Variants in HAUS6 observed in about 807,000 individuals in gnomAD.
HAUS6 encodes the protein HAUS augmin like complex subunit 6.
A neutral mutation model predicts 106.8 loss-of-function variants in HAUS6; 80 were observed. The observed-to-expected ratio is 0.75, with a 90% CI of 0.63 to 0.90. The LOEUF is 0.90. Ranked by LOEUF, HAUS6 falls within the 40% of genes least tolerant of loss-of-function variation. The pLI is 0.00. For synonymous variants in HAUS6, 356 were observed against 379.1 expected, an observed-to-expected ratio of 0.94 and a Z score of 0.71; for missense variants, 1,155 against 1,118.1, an observed-to-expected ratio of 1.03 and a Z score of -0.47.
chr9:19,098,680 G>C (rs1322423517), intron 1 of HAUS6, among the ~76,000 whole-genome samples: 1 of 151,736 alleles, frequency 6.6e-6, no homozygotes, highest in East Asian at 1.9e-4. Context: ...AAACCTTTTG[G>C]GCAAATACCT....
chr9:19,070,320 G>A lies in HAUS6; in HGVS notation c.1295-20C>T. ...GTGCATCTAAAGAAATTTAAAAATT[G>A]GTTACTCTTTAATTATGTTTGTACA... On this transcript the variant is annotated intron_variant, in intron 11 of 16. Transcript: ENST00000380502. 1 of 1,297,290 alleles carries A rather than the reference G, an allele frequency of 7.7e-7. No individual in the cohort carries two copies. The highest frequency in any genetic ancestry group is 1.1e-6 in the Non-Finnish European group (1 of 896,054). The allele number at this position is 1,297,290 out of a possible 1,614,324, so 80.4% of individuals were successfully genotyped here.
At chr9:19,076,363 T>G (rs963930830) in intron 11 of HAUS6, among the ~76,000 whole-genome samples, 1 of 151,384 alleles carries the variant, frequency 6.6e-6, no homozygotes, top group Non-Finnish European at 1.5e-5. Flanking sequence ...CAAAAAAAAA[T>G]AAAAGAAAAA....
chr9:19,093,945 G>A (rs947367737), intron 3 of HAUS6, among the ~76,000 whole-genome samples: 2 of 152,126 alleles, frequency 1.3e-5, no homozygotes, highest in African/African-American at 4.8e-5. Flanking sequence ...ACATGTTTTG[G>A]TTTTTCTAAA....
chr9:19,060,302 T>C (rs1015407605), intron 14 of HAUS6, 79 bp from the exon 15 acceptor site: 1 of 1,154,520 alleles, frequency 8.7e-7, no homozygotes, highest in Non-Finnish European at 1.2e-6. Context: ...ATAAGGATAA[T>C]AAGCACTTCA....
chr9:19,096,747 G>A lies in HAUS6; in HGVS notation c.151C>T (p.Arg51Cys), dbSNP rs539387980. 7.1e-6 allele frequency: 11 copies of A among 1,548,970 alleles called. No homozygotes were observed. Among genetic ancestry groups the A allele is most frequent in the South Asian group, 4.8e-5 (4 of 83,406 alleles). The change falls in exon 2 of 17, where the codon CGT (arginine) becomes TGT (cysteine). Residue 51 changes from arginine to cysteine, a missense_variant. Arg to Cys is a radical substitution (Grantham distance 180). Around this residue, in one of 3 missense-constraint regions of HAUS6, gnomAD observed 761 missense variants for 690.0 expected, o/e 1.10. Coordinates refer to ENST00000380502, the MANE Select transcript of HAUS6 (RefSeq NM_017645.5). ...LGVNMFDKLN[R>C]DAFHIISYFL... ...TAAGAAATTATATGAAAGGCATCACGGTTCAGCTTGTCAAACATGTTCCTA... is the reference window on the plus strand; with the variant it reads ...TAAGAAATTATATGAAAGGCATCACAGTTCAGCTTGTCAAACATGTTCCTA...
At chr9:19,085,696 T>C (rs1055024848) in intron 7 of HAUS6, among the ~76,000 whole-genome samples, 1 of 152,090 alleles carries the variant, frequency 6.6e-6, no homozygotes, top group Non-Finnish European at 1.5e-5. Context: ...TCATTTTCAT[T>C]TGTCAGAATC....
chr9:19,084,524 A>G (rs1837241342), intron 7 of HAUS6, among the ~76,000 whole-genome samples: 1 of 152,180 alleles, frequency 6.6e-6, no homozygotes, highest in Admixed American at 6.5e-5. Flanking sequence ...GCATTAACAG[A>G]ATTTACAAAA....
At chr9:19,056,439 T>G (rs756237604) in intron 16 of HAUS6, 35 bp from the exon 17 acceptor site, 2 of 1,171,088 alleles carry the variant, frequency 1.7e-6, no homozygotes, top group Non-Finnish European at 2.6e-6. Flanking sequence ...TAAGCAAACA[T>G]TACAAAGAAA....
rs761132054 is a variant in HAUS6, at chr9:19,058,969, T to C, written c.1798A>G (p.Ile600Val). The C allele has an allele frequency of 3.1e-6, 5 of 1,601,350 alleles. No homozygotes were observed. Among genetic ancestry groups the C allele is most frequent in the Non-Finnish European group, 4.3e-6 (5 of 1,169,720 alleles). The change falls in exon 16 of 17, where the codon ATT becomes GTT. Residue 600 changes from isoleucine to valine, a missense_variant. By Grantham distance (29) the Ile-to-Val change is conservative. This residue lies in a region of HAUS6 where 14 missense variants were observed against 33.2 expected (regional missense o/e 0.42). Transcript: ENST00000380502. ...TTAGTTCTGTTTTCTTCCATTTCAA[T>C]AGCTTTTCTCCATGAGCTCCTAATT... ...TEIRSSWRKA[I>V]EMEENRTKEP...
Position 19,081,447 on chromosome 9 carries a change from A to AT in HAUS6, c.871-776dup, listed in dbSNP as rs200322669. 5.7e-4 allele frequency among the ~76,000 whole-genome samples: 85 copies of AT among 147,920 alleles called. No individual in the cohort carries two copies. In the East Asian group the frequency reaches 6.1e-3, roughly 11 times the overall value. ...TGCCAATTTTTTAATTTTAATTTTAATTTTTTTTTTTGAGGCAGAATCCCA... is the reference window on the plus strand; with the variant it reads ...TGCCAATTTTTTAATTTTAATTTTAATTTTTTTTTTTTGAGGCAGAATCCCA... On this transcript the variant is annotated intron_variant, in intron 8 of 16. Transcript: ENST00000380502.
intron 10 of HAUS6, among the ~76,000 whole-genome samples, chr9:19,077,142 C>A (rs916895264): frequency 1.3e-5 from 2 of 152,152 alleles, no homozygotes; most frequent in African/African-American, 4.8e-5. Flanking sequence ...CCACGCCCAG[C>A]CCTATAACTA....
intron 4 of HAUS6, 123 bp from the exon 5 acceptor site, chr9:19,089,682 A>C (rs955846167): frequency 9.4e-5 from 57 of 606,848 alleles, no homozygotes; most frequent in African/African-American, 9.1e-4. Context: ...AATCTGATTG[A>C]CTTTTAAAAA....
At chr9:19,061,211 C>T (rs2131099980) in intron 14 of HAUS6, among the ~76,000 whole-genome samples, 2 of 152,006 alleles carry the variant, frequency 1.3e-5, no homozygotes, top group Non-Finnish European at 2.9e-5. Flanking sequence ...AAAATTGGCC[C>T]ATGGAAAAAA....
chr9:19,058,670 A>C lies in HAUS6; in HGVS notation c.2097T>G (p.Cys699Trp). The change falls in exon 16 of 17, where the codon TGT becomes TGG. Residue 699 changes from cysteine to tryptophan, a missense_variant. Coordinates refer to ENST00000380502, the MANE Select transcript of HAUS6 (RefSeq NM_017645.5). The part of the protein sequence containing the change: ...KKVICKQDLE[C>W]LAFTKLSETS... ...TTTCTGAAAGCTTGGTGAAGGCTAAACATTCCAAATCTTGCTTGCAAATTA... is the reference window on the plus strand; with the variant it reads ...TTTCTGAAAGCTTGGTGAAGGCTAACCATTCCAAATCTTGCTTGCAAATTA... 6.2e-7 allele frequency: 1 copy of C among 1,611,942 alleles called. No individual in the cohort carries two copies. Among genetic ancestry groups the C allele is most frequent in the Non-Finnish European group, 8.5e-7 (1 of 1,178,112 alleles).
chr9:19,092,916 C>CAAAAAAAAAAAAAAAAAAAAA (rs71494998), intron 4 of HAUS6, among the ~76,000 whole-genome samples: 43 of 76,156 alleles, frequency 5.6e-4, no homozygotes, highest in Non-Finnish European at 8.1e-4. Context: ...AACTGTGTCT[C>CAAAAAAAAAAAAAAAAAAAAA]AAAAAAAAAA....
chr9:19,058,307 T>A lies in HAUS6; in HGVS notation c.2460A>T (p.Arg820Ser), dbSNP rs1330159081. Reference protein sequence around the residue: ...GTLLEDVVGGRQTTPESDFNL... With the variant: ...GTLLEDVVGGSQTTPESDFNL... ...TAAAGTCTGATTCTGGAGTAGTCTG[T>A]CTCCCTCCCACAACATCTTCTAGAA... Residue 820 changes from arginine (R) to serine (S), a missense_variant, in exon 16 of 17, where the codon AGA becomes AGT. Arg to Ser is a moderately radical substitution (Grantham distance 110, BLOSUM62 -1). Coordinates refer to ENST00000380502, the MANE Select transcript of HAUS6 (RefSeq NM_017645.5). 10 of 1,613,308 alleles carry A rather than the reference T, an allele frequency of 6.2e-6. No homozygotes were observed. Among genetic ancestry groups the A allele is most frequent in the African/African-American group, 1.3e-5 (1 of 74,884 alleles).
intron 1 of HAUS6, among the ~76,000 whole-genome samples, chr9:19,097,435 T>C (rs1000950586): frequency 6.6e-5 from 10 of 151,576 alleles, no homozygotes; most frequent in Non-Finnish European, 1.5e-4. Flanking sequence ...AAAAAGTGGG[T>C]GAAGGATATG....
intron 14 of HAUS6, among the ~76,000 whole-genome samples, chr9:19,060,849 T>A (rs1836598331): frequency 6.6e-6 from 1 of 152,174 alleles, no homozygotes; most frequent in South Asian, 2.1e-4. Flanking sequence ...AAAAATAAAC[T>A]TCTTGAAGCC....
Position 19,102,697 on chromosome 9 carries a change from A to G in HAUS6, c.-46T>C. The G allele has an allele frequency of 6.3e-7, 1 of 1,589,168 alleles. No homozygotes were observed. The highest frequency in any genetic ancestry group is 1.7e-5 in the Admixed American group (1 of 57,336). On this transcript the variant is annotated 5_prime_UTR_variant, in exon 1 of 17. Coordinates refer to ENST00000380502, the MANE Select transcript of HAUS6 (RefSeq NM_017645.5). ...CTGCAAAGAAAGAAAGCGCAAGCCC[A>G]GGGGACTCGGAGGGCCCTCAAGATC...
Sources: gnomAD v4.1 joint callset for allele counts (sites outside exome capture counted in the v4.1 genomes callset) on GRCh38, gnomAD v4.1.1 for gene constraint, gnomAD v4.1.1 regional missense constraint, MANE v1.5 for transcripts, NCBI Gene and HGNC (gene_info 2026-07-23, HGNC 2026-07-21) for gene names.